The following CAMSAP2 variants were observed in gnomAD, a reference collection of about 807,000 sequenced individuals.
CAMSAP2 encodes calmodulin regulated spectrin associated protein family member 2, also known as calmodulin-regulated spectrin-associated protein 2.
In CAMSAP2, 26 loss-of-function variants were observed where a neutral mutation model predicts 146.1. The observed-to-expected ratio is 0.18, with a 90% CI of 0.13 to 0.25. CAMSAP2 has a LOEUF of 0.25. CAMSAP2 is among the 10% of genes least tolerant of loss of function. The pLI, the probability that CAMSAP2 is intolerant of heterozygous loss-of-function variation, is 1.00. For missense variants in CAMSAP2, 1,381 were observed against 1,759.3 expected (o/e 0.78, Z 3.85); for synonymous variants, 499 against 596.6 (o/e 0.84, Z 2.38).
chr1:200,764,270 A>G (rs1037833789), intron 2 of CAMSAP2, among the ~76,000 whole-genome samples: 8 of 150,454 alleles, frequency 5.3e-5, no homozygotes, highest in African/African-American at 1.5e-4. Context: ...TTTTGGGGGG[A>G]AAAAAAGTGT....
At chr1:200,769,361 T>G (rs1332490867) in intron 2 of CAMSAP2, among the ~76,000 whole-genome samples, 3 of 152,188 alleles carry the variant, frequency 2.0e-5, no homozygotes, top group Admixed American at 6.5e-5. Context: ...CTTTTCTTCT[T>G]AGAAAAAGAG....
chr1:200,826,398 C>T (rs1419733667), intron 4 of CAMSAP2, among the ~76,000 whole-genome samples: 1 of 151,164 alleles, frequency 6.6e-6, no homozygotes, highest in East Asian at 1.9e-4. Context: ...CTCCGCTGCC[C>T]TCTACCCTGG....
At chr1:200,786,223 C>T (rs1161723305) in intron 2 of CAMSAP2, among the ~76,000 whole-genome samples, 1 of 151,708 alleles carries the variant, frequency 6.6e-6, no homozygotes, top group Admixed American at 6.6e-5. Context: ...CTAATTTTTG[C>T]TTGTTTTCTG....
intron 1 of CAMSAP2, among the ~76,000 whole-genome samples, chr1:200,751,657 A>G (rs1664511408): frequency 6.6e-6 from 1 of 152,004 alleles, no homozygotes; most frequent in South Asian, 2.1e-4. Flanking sequence ...AACAAACCCT[A>G]GGAGCAATGG....
At chr1:200,805,273 C>T (rs935103223) in intron 2 of CAMSAP2, among the ~76,000 whole-genome samples, 14 of 152,194 alleles carry the variant, frequency 9.2e-5, no homozygotes, top group Non-Finnish European at 1.5e-4. Context: ...ACCTCCTAAA[C>T]GATCAGAATT....
At position 200,767,054 on chromosome 1, in the gene CAMSAP2, G is replaced by A. The variant is rs184533668; in HGVS notation, c.399+5956G>A. Among the ~76,000 whole-genome samples, 288 of 152,242 alleles carry A rather than the reference G, an allele frequency of 1.9e-3. 2 individuals are homozygous for A. The highest frequency in any genetic ancestry group is 6.1e-3 in the African/African-American group (255 of 41,544). On this transcript the variant is annotated intron_variant, in intron 2 of 16. Coordinates refer to ENST00000358823, the MANE Select transcript of CAMSAP2 (RefSeq NM_203459.4). The stretch of plus-strand genomic sequence containing the variant: ...ACAGTATTTAAGAATATGCAGGCAG[G>A]GCGTGGTGGCTCACACCTGTAATTC...
intron 4 of CAMSAP2, among the ~76,000 whole-genome samples, chr1:200,825,015 T>C (rs982522370): frequency 6.6e-6 from 1 of 152,040 alleles, no homozygotes; most frequent in Non-Finnish European, 1.5e-5. Context: ...AAAAACCTAC[T>C]AAGAAGAATT....
At chr1:200,814,463 AGCCGGGCATGATG>A (rs1415096544) in intron 3 of CAMSAP2, among the ~76,000 whole-genome samples, 1 of 151,946 alleles carries the variant, frequency 6.6e-6, no homozygotes, top group East Asian at 1.9e-4. Context: ...TTAAAAAATT[AGCCGGGCATGATG>A]GCGGGCGCCT....
rs369517586 is a variant in CAMSAP2, at chr1:200,816,966, G to GTATGTGTGTACACACACACGCGTA, written c.645+1329_645+1330insGTACACACACACGCGTATATGTGT. Among the ~76,000 whole-genome samples, 19 of 20,434 alleles carry GTATGTGTGTACACACACACGCGTA rather than the reference G, an allele frequency of 9.3e-4. 5 individuals are homozygous for GTATGTGTGTACACACACACGCGTA. Among genetic ancestry groups the GTATGTGTGTACACACACACGCGTA allele is most frequent in the Admixed American group, 1.1e-3 (2 of 1,840 alleles). 13.4% of individuals were successfully genotyped at this position (20,434 alleles called of 152,430 possible). Reference sequence around the variant, plus strand: ...TATGTGTGTACACACACACGCGTGTGTATGTGTATATATCTACACATATAT... The same window carrying GTATGTGTGTACACACACACGCGTA: ...TATGTGTGTACACACACACGCGTGTGTATGTGTGTACACACACACGCGTATATGTGTATATATCTACACATATAT... On this transcript the variant is annotated intron_variant, in intron 4 of 16. Transcript: ENST00000358823.
intron 4 of CAMSAP2, among the ~76,000 whole-genome samples, chr1:200,819,680 T>C (rs1223993197): frequency 6.6e-6 from 1 of 152,178 alleles, no homozygotes; most frequent in East Asian, 1.9e-4. Flanking sequence ...TTCTAAATTC[T>C]GTAATTAAAA....
intron 11 of CAMSAP2, 99 bp from the exon 12 acceptor site, chr1:200,852,442 T>C: frequency 2.2e-6 from 3 of 1,340,002 alleles, no homozygotes; most frequent in Non-Finnish European, 3.1e-6. Flanking sequence ...GTTCAAACTT[T>C]CAGTTATAGG....
At chr1:200,792,670 A>T (rs1665787037) in intron 2 of CAMSAP2, among the ~76,000 whole-genome samples, 1 of 152,196 alleles carries the variant, frequency 6.6e-6, no homozygotes, top group African/African-American at 2.4e-5. Context: ...GGGGGAGAAG[A>T]CAATCCCAAA....
chr1:200,756,485 T>C (rs1313105810), intron 1 of CAMSAP2, among the ~76,000 whole-genome samples: 2 of 151,250 alleles, frequency 1.3e-5, no homozygotes, highest in Non-Finnish European at 3.0e-5. Flanking sequence ...GAAAAAAAAG[T>C]AAGTGGTGAA....
intron 6 of CAMSAP2, among the ~76,000 whole-genome samples, chr1:200,834,358 G>A (rs1667120905): frequency 6.6e-6 from 1 of 150,618 alleles, no homozygotes; most frequent in Non-Finnish European, 1.5e-5. Context: ...ATAAGACTAT[G>A]TCTCAAAAAA....
rs546134821 is a variant in CAMSAP2, at chr1:200,746,819, C to T, written c.139+6853C>T. On this transcript the variant is annotated intron_variant, in intron 1 of 16. Transcript: ENST00000358823. ...ATTTTTAGTAGAGACGGGGTTTCAC[C>T]GTGTTAGCCAGGATGGTCTTGATCT... is the stretch of plus-strand genomic sequence containing the variant. 5.9e-4 allele frequency among the ~76,000 whole-genome samples: 90 copies of T among 151,994 alleles called. 1 individual carries two copies. The highest frequency in any genetic ancestry group is 1.0e-3 in the Non-Finnish European group (71 of 67,954).
At chr1:200,847,417 G>A in intron 9 of CAMSAP2, 125 bp downstream of exon 9, 1 of 724,398 alleles carries the variant, frequency 1.4e-6, no homozygotes, top group South Asian at 1.9e-5. Context: ...GTGTTTTTTT[G>A]TTTGTTTGTT....
intron 6 of CAMSAP2, among the ~76,000 whole-genome samples, chr1:200,835,894 G>C (rs1357662141): frequency 6.6e-6 from 1 of 152,038 alleles, no homozygotes; most frequent in African/African-American, 2.4e-5. Context: ...GTTTAAGTTG[G>C]TATACCTTGG....
intron 4 of CAMSAP2, among the ~76,000 whole-genome samples, chr1:200,820,668 A>G (rs1220329141): frequency 6.6e-6 from 1 of 152,084 alleles, no homozygotes; most frequent in Non-Finnish European, 1.5e-5. Flanking sequence ...TTTCTCCCTC[A>G]AATGCTGTTT....
Position 200,857,207 on chromosome 1 carries a change from A to G in CAMSAP2, c.4013-99A>G, listed in dbSNP as rs1667771050. 1 of 866,780 alleles carries G rather than the reference A, an allele frequency of 1.2e-6. No homozygotes were observed. Among genetic ancestry groups the G allele is most frequent in the South Asian group, 1.5e-5 (1 of 64,902 alleles). 53.7% of individuals were successfully genotyped at this position (866,780 alleles called of 1,614,324 possible). ...GCACAGAATTTGGTCTTCTATTACA[A>G]TATTTCAGCAGTGTAGGAACAATTA... is the stretch of plus-strand genomic sequence containing the variant. On this transcript the variant is annotated intron_variant, in intron 15 of 16. Transcript: ENST00000358823. This position sits in a 1 kb window ranked among gnomAD's most constrained non-coding sequence, Gnocchi z 4.7.
Sources: gnomAD v4.1 joint callset for allele counts (sites outside exome capture counted in the v4.1 genomes callset) on GRCh38, gnomAD v4.1.1 for gene constraint, Gnocchi (gnomAD v3.1) non-coding constraint, MANE v1.5 for transcripts, NCBI Gene and HGNC (gene_info 2026-07-23, HGNC 2026-07-21) for gene names.